CRKL: variants seen among roughly 807,000 people sequenced by gnomAD.
CRKL encodes crk-like protein.
Under a neutral mutation model 23.0 loss-of-function variants are expected in CRKL, and 3 were observed. The observed-to-expected ratio is 0.13, with a 90% CI of 0.06 to 0.34. The LOEUF (loss-of-function observed/expected upper bound fraction) is 0.34, where lower values mean the gene tolerates loss of function less well. Ranked by LOEUF, CRKL falls within the 10% of genes least tolerant of loss-of-function variation. The pLI is 1.00. For missense variants in CRKL, 256 were observed against 394.5 expected, an observed-to-expected ratio of 0.65 and a Z score of 2.97; for synonymous variants, 188 against 160.7, an observed-to-expected ratio of 1.17 and a Z score of -1.28.
intron 2 of CRKL, among the ~76,000 whole-genome samples, chr22:20,947,278 T>TG (rs1446614224): frequency 1.3e-5 from 2 of 151,716 alleles, no homozygotes; most frequent in Admixed American, 1.3e-4. Context: ...GGTCTCACTA[T>TG]GTCACCCAGG....
chr22:20,930,957 C>T (rs1394224778), intron 1 of CRKL, among the ~76,000 whole-genome samples: 2 of 151,972 alleles, frequency 1.3e-5, no homozygotes, highest in African/African-American at 4.8e-5. Flanking sequence ...GCTGGGATTA[C>T]AGGCGTGAGC....
At chr22:20,944,597 G>A (rs986725068) in intron 2 of CRKL, among the ~76,000 whole-genome samples, 1 of 151,638 alleles carries the variant, frequency 6.6e-6, no homozygotes, top group Admixed American at 6.6e-5. Flanking sequence ...TAGAGATGGG[G>A]TTTCACTATG....
chr22:20,932,108 CCT>C (rs1921477920), intron 1 of CRKL, among the ~76,000 whole-genome samples: 1 of 150,996 alleles, frequency 6.6e-6, no homozygotes. Context: ...ACTGCGCCGG[CCT>C]CTTATTTATT....
rs2147904973 is a variant in CRKL, at chr22:20,933,939, G to A, written c.472G>A (p.Glu158Lys). 6.2e-7 allele frequency: 1 copy of A among 1,614,218 alleles called. No individual in the cohort carries two copies. Among genetic ancestry groups the A allele is most frequent in the Admixed American group, 1.7e-5 (1 of 60,012 alleles). The change falls in exon 2 of 3, where the codon GAA (glutamate) becomes AAA (lysine). Residue 158 changes from glutamate to lysine, a missense_variant. By Grantham distance (56) the Glu-to-Lys change is moderately conservative (BLOSUM62 1). Coordinates refer to ENST00000354336, the MANE Select transcript of CRKL (RefSeq NM_005207.4). ...EILVIIEKPE[E>K]QWWSARNKDG... ...CCTAGTGATAATAGAGAAGCCTGAA[G>A]AACAGTGGTGGAGTGCCCGGAACAA...
At position 20,923,367 on chromosome 22, in the gene CRKL, C is replaced by G. The variant is rs370262259; in HGVS notation, c.311+5122C>G. 3.8e-4 allele frequency among the ~76,000 whole-genome samples: 57 copies of G among 151,808 alleles called. 1 individual carries two copies. Among genetic ancestry groups the G allele is most frequent in the Admixed American group, 1.1e-3 (17 of 15,236 alleles). On this transcript the variant is annotated intron_variant, in intron 1 of 2. Coordinates refer to ENST00000354336, the MANE Select transcript of CRKL (RefSeq NM_005207.4). ...TCTTGGCTCACTGCAAGCTCCGCCT[C>G]CTGGGTTCACGCCATTCTCCTGCCT...
chr22:20,935,613 G>A (rs953974952), intron 2 of CRKL, among the ~76,000 whole-genome samples: 1 of 148,180 alleles, frequency 6.7e-6, no homozygotes, highest in African/African-American at 2.5e-5. Context: ...TGCATCCTCC[G>A]CCTCCTGAGT....
At chr22:20,930,574 T>G (rs1173975126) in intron 1 of CRKL, among the ~76,000 whole-genome samples, 1 of 148,842 alleles carries the variant, frequency 6.7e-6, no homozygotes, top group Non-Finnish European at 1.5e-5. Flanking sequence ...GTGACAGGGT[T>G]TTTTGTCATG....
chr22:20,948,957 C>T (rs1262116715), intron 2 of CRKL, among the ~76,000 whole-genome samples: 1 of 152,180 alleles, frequency 6.6e-6, no homozygotes, highest in East Asian at 1.9e-4. Flanking sequence ...CAATGACTAC[C>T]ACCTGAAGGT....
In CRKL at chr22:20,919,465, A is replaced by G. The variant is rs529237729; in HGVS notation, c.311+1220A>G. ...TATTTCTTATTTTAAAATTAACGCA[A>G]AGTGACCAAGCATTCTCTTTTCCAA... On this transcript the variant is annotated intron_variant, in intron 1 of 2. Coordinates refer to ENST00000354336, the MANE Select transcript of CRKL (RefSeq NM_005207.4). Among the ~76,000 whole-genome samples, 8 of 152,324 alleles carry G rather than the reference A, an allele frequency of 5.3e-5. No homozygotes were observed. The South Asian group carries it at 1.2e-3, about 24-fold the overall frequency.
chr22:20,943,716 G>T (rs1489218682), intron 2 of CRKL, among the ~76,000 whole-genome samples: 1 of 152,128 alleles, frequency 6.6e-6, no homozygotes, highest in Non-Finnish European at 1.5e-5. Flanking sequence ...GGCCAAGCTG[G>T]GTGTGGTGGT....
chr22:20,935,077 G>C (rs1921600703), intron 2 of CRKL, among the ~76,000 whole-genome samples: 1 of 151,948 alleles, frequency 6.6e-6, no homozygotes, highest in South Asian at 2.1e-4. Flanking sequence ...GCCTCCTAAA[G>C]TGCTGGGATT....
intron 1 of CRKL, among the ~76,000 whole-genome samples, chr22:20,933,199 T>C (rs1277059904): frequency 1.3e-5 from 2 of 151,082 alleles, no homozygotes; most frequent in Non-Finnish European, 2.9e-5. Flanking sequence ...TGAAATTCCG[T>C]CTCTACTAAA....
chr22:20,924,116 A>G (rs957208822), intron 1 of CRKL, among the ~76,000 whole-genome samples: 3 of 152,296 alleles, frequency 2.0e-5, no homozygotes, highest in Admixed American at 2.0e-4. Context: ...TGAGCATGGG[A>G]GGTCGAGGCT....
intron 2 of CRKL, among the ~76,000 whole-genome samples, chr22:20,939,041 T>G (rs1921763066): frequency 6.6e-6 from 1 of 152,132 alleles, no homozygotes; most frequent in Non-Finnish European, 1.5e-5. Flanking sequence ...GTTCAATCAT[T>G]TTCCCTGTGC....
intron 1 of CRKL, among the ~76,000 whole-genome samples, chr22:20,921,718 C>CTT (rs935279182): frequency 6.8e-6 from 1 of 147,042 alleles, no homozygotes; most frequent in Non-Finnish European, 1.5e-5. Flanking sequence ...TTTCTTTTTT[C>CTT]TTTTTTTTTT....
chr22:20,921,135 C>A (rs912128630), intron 1 of CRKL, among the ~76,000 whole-genome samples: 1 of 152,212 alleles, frequency 6.6e-6, no homozygotes, highest in African/African-American at 2.4e-5. Flanking sequence ...TGTAATGCTT[C>A]TTCGCATCCC....
chr22:20,937,390 CG>C (rs1292065654), intron 2 of CRKL, among the ~76,000 whole-genome samples: 1 of 150,726 alleles, frequency 6.6e-6, no homozygotes, highest in Admixed American at 6.7e-5. Context: ...CCTTGAAAGT[CG>C]AGGCTCCCAG....
chr22:20,943,587 G>A (rs1453397068), intron 2 of CRKL, among the ~76,000 whole-genome samples: 2 of 152,192 alleles, frequency 1.3e-5, no homozygotes, highest in Non-Finnish European at 2.9e-5. Context: ...GACTTTTTGT[G>A]TATAGTGTGA....
chr22:20,918,584 A>G (rs1929777402), intron 1 of CRKL, among the ~76,000 whole-genome samples: 1 of 136,820 alleles, frequency 7.3e-6, no homozygotes, highest in Non-Finnish European at 1.5e-5. Flanking sequence ...TGGTTTTTCT[A>G]AAAACCTCTT....
Sources: allele counts gnomAD v4.1 joint callset (sites outside exome capture counted in the v4.1 genomes callset), GRCh38; gene constraint gnomAD v4.1.1; transcripts MANE v1.5; gene names NCBI Gene and HGNC (gene_info 2026-07-23, HGNC 2026-07-21).